The following KCNG2 variants were observed in gnomAD, a reference collection of about 807,000 sequenced individuals.
KCNG2 encodes the protein potassium voltage-gated channel modifier subfamily G member 2, also known as voltage-gated potassium channel regulatory subunit KCNG2.
A neutral mutation model predicts 12.3 loss-of-function variants in KCNG2; 7 were observed. The observed-to-expected ratio is 0.57, with a 90% CI of 0.32 to 1.07. The LOEUF (loss-of-function observed/expected upper bound fraction) is 1.07, where lower values mean the gene tolerates loss of function less well. Among genes scored for constraint, KCNG2 ranks in the 50% least tolerant of loss-of-function variants. KCNG2 has a pLI of 0.04. For synonymous variants in KCNG2, 414 were observed against 351.4 expected (o/e 1.18, Z -1.99); for missense variants, 703 against 726.0 (o/e 0.97, Z 0.36).
At chr18:79,826,874 T>G (rs1214927146) in intron 1 of KCNG2, among the ~76,000 whole-genome samples, 4 of 152,226 alleles carry the variant, frequency 2.6e-5, no homozygotes, top group African/African-American at 7.2e-5. Context: ...AAAGAAGGTG[T>G]GGGAGTGACT....
intron 1 of KCNG2, among the ~76,000 whole-genome samples, chr18:79,832,924 G>T (rs1978304207): frequency 6.6e-6 from 1 of 152,048 alleles, no homozygotes; most frequent in Admixed American, 6.6e-5. Context: ...AGTATAAACG[G>T]CTGGGACGTC....
intron 3 of KCNG2, among the ~76,000 whole-genome samples, chr18:79,865,834 GTATGCT>G (rs1979492624): frequency 8.0e-6 from 1 of 124,236 alleles, no homozygotes; most frequent in Non-Finnish European, 1.8e-5. Flanking sequence ...TGAGAGGTCT[GTATGCT>G]GAGAGGACTG....
rs577228474 is a variant in KCNG2 at position 79,849,084 on chromosome 18, G to A, written c.-114-7295G>A. On this transcript the variant is annotated intron_variant, in intron 1 of 3. Coordinates refer to ENST00000316249, the MANE Select transcript of KCNG2 (RefSeq NM_012283.2). ...GTTCTCCCTCCCACGCAGGCCACTC[G>A]GCCGCTCTGCACGCCAGGCCCCGCC... Among the ~76,000 whole-genome samples, 11 of 152,184 alleles carry A rather than the reference G, an allele frequency of 7.2e-5. No individual in the cohort carries two copies. In the East Asian group the frequency reaches 1.7e-3, roughly 24 times the overall value.
chr18:79,893,847 C>T (rs1599439509), intron 3 of KCNG2, among the ~76,000 whole-genome samples: 1 of 151,558 alleles, frequency 6.6e-6, no homozygotes. Context: ...CCATTAATAA[C>T]GATATAGTTG....
chr18:79,874,824 C>T (rs536186911), intron 3 of KCNG2, among the ~76,000 whole-genome samples: 2 of 152,332 alleles, frequency 1.3e-5, no homozygotes, highest in East Asian at 1.9e-4. Context: ...GCCACGGTCA[C>T]GTGTGCTCCT....
In KCNG2 at chr18:79,830,359, G is replaced by A. The variant is rs188875557; in HGVS notation, c.-114-26020G>A. ...TGACGAGCCCCACACCAGACAGCCC[G>A]GTGGCAGGAAACATGTCTGCAAGGG... On this transcript the variant is annotated intron_variant, in intron 1 of 3. Transcript: ENST00000316249. 3.0e-3 allele frequency among the ~76,000 whole-genome samples: 453 copies of A among 152,350 alleles called. 14 individuals are homozygous for A. The Middle Eastern group carries it at 0.031, about 10-fold the overall frequency.
chr18:79,801,485 G>T (rs537058109), intron 1 of KCNG2, among the ~76,000 whole-genome samples: 2 of 152,220 alleles, frequency 1.3e-5, no homozygotes, highest in Non-Finnish European at 1.5e-5. Context: ...ACCCAGGCCC[G>T]GCAAGGAGGG....
At chr18:79,824,786 C>T (rs924899425) in intron 1 of KCNG2, among the ~76,000 whole-genome samples, 4 of 152,184 alleles carry the variant, frequency 2.6e-5, no homozygotes, top group Admixed American at 2.0e-4. Flanking sequence ...TACCACTGAA[C>T]CTACTTTGCA....
chr18:79,813,487 T>C (rs1303255609), intron 1 of KCNG2, among the ~76,000 whole-genome samples: 1 of 152,166 alleles, frequency 6.6e-6, no homozygotes, highest in African/African-American at 2.4e-5. Context: ...CCACAAAAAA[T>C]CCACATCTGA....
rs193138848 is a variant in KCNG2 at position 79,863,531 on chromosome 18, G to T, written c.-40-97G>T. Reference sequence around the variant, plus strand: ...CGGAGGGGTCTCCGAGCTCACCTCCGAGGGTTCGGTGCCGGCCCGGCCCCT... The same window carrying T: ...CGGAGGGGTCTCCGAGCTCACCTCCTAGGGTTCGGTGCCGGCCCGGCCCCT... On this transcript the variant is annotated intron_variant, in intron 2 of 3. Transcript: ENST00000316249. 4,891 of 997,446 alleles carry T rather than the reference G, an allele frequency of 4.9e-3. 19 individuals carry two copies. The highest frequency in any genetic ancestry group is 5.0e-3 in the Non-Finnish European group (3,980 of 798,928). The allele number at this position is 997,446 out of a possible 1,614,324, so 61.8% of individuals were successfully genotyped here. A position where few individuals can be genotyped will look rare whatever the true frequency, so the allele number is the denominator to read the frequency against.
intron 1 of KCNG2, among the ~76,000 whole-genome samples, chr18:79,798,450 C>T (rs957374600): frequency 1.3e-5 from 2 of 152,168 alleles, no homozygotes; most frequent in Non-Finnish European, 2.9e-5. Context: ...TCCCGGCGCC[C>T]GCCCCGGTTC....
intron 1 of KCNG2, among the ~76,000 whole-genome samples, chr18:79,829,893 G>A (rs1425091586): frequency 6.6e-6 from 1 of 152,226 alleles, no homozygotes; most frequent in Non-Finnish European, 1.5e-5. Flanking sequence ...AGGCAGAGAG[G>A]AGATAAGAAA....
intron 2 of KCNG2, among the ~76,000 whole-genome samples, chr18:79,857,010 C>T (rs1165408410): frequency 2.0e-5 from 3 of 149,704 alleles, no homozygotes; most frequent in Admixed American, 6.6e-5. Context: ...GCCAGCCCTC[C>T]GTCCCAGAGG....
At chr18:79,872,826 T>C (rs1253126072) in intron 3 of KCNG2, among the ~76,000 whole-genome samples, 1 of 152,250 alleles carries the variant, frequency 6.6e-6, no homozygotes, top group African/African-American at 2.4e-5. Flanking sequence ...TGCCTTGCTT[T>C]GGACAGTGCT....
In KCNG2 at chr18:79,882,863, G is replaced by C. The variant is rs1980366654; in HGVS notation, c.625-16177G>C. On this transcript the variant is annotated intron_variant, in intron 3 of 3. Coordinates refer to ENST00000316249, the MANE Select transcript of KCNG2 (RefSeq NM_012283.2). Reference sequence around the variant, plus strand: ...CCTGCGCGTGGAGCGCGGAGGCCGGGTACACCTGCGCGTGGAGCGCGGAGG... The same window carrying C: ...CCTGCGCGTGGAGCGCGGAGGCCGGCTACACCTGCGCGTGGAGCGCGGAGG... 2.0e-5 allele frequency among the ~76,000 whole-genome samples: 3 copies of C among 151,338 alleles called. No homozygotes were observed. The South Asian group carries it at 6.2e-4, about 31-fold the overall frequency.
Position 79,899,226 on chromosome 18 carries a change from G to T in KCNG2, c.811G>T (p.Ala271Ser). 6.2e-7 allele frequency: 1 copy of T among 1,600,838 alleles called. No homozygotes were observed. Residue 271 changes from alanine (A) to serine (S), a missense_variant, in exon 4 of 4, where the codon GCG (alanine) becomes TCG (serine). Physicochemically the swap from Ala to Ser is moderately conservative, Grantham distance 99 (BLOSUM62 1). Coordinates refer to ENST00000316249, the MANE Select transcript of KCNG2 (RefSeq NM_012283.2). ...PFYVSLLLGLAAGPGGTKLLE... is the reference protein window; with the variant it reads ...PFYVSLLLGLSAGPGGTKLLE... ...CTACGTGTCGCTGCTGCTGGGGCTG[G>T]CGGCAGGCCCGGGCGGGACCAAGCT...
intron 3 of KCNG2, among the ~76,000 whole-genome samples, chr18:79,889,899 C>T (rs1980686936): frequency 6.6e-6 from 1 of 152,162 alleles, no homozygotes; most frequent in African/African-American, 2.4e-5. Context: ...GCGGAGGTTT[C>T]CTGCTTGTTG....
At chr18:79,804,365 G>T (rs1027223718) in intron 1 of KCNG2, among the ~76,000 whole-genome samples, 1 of 152,242 alleles carries the variant, frequency 6.6e-6, no homozygotes, top group African/African-American at 2.4e-5. Flanking sequence ...CTGCCGGCCG[G>T]TGCTGCACCA....
chr18:79,861,273 C>CTTTTTT (rs56348625), intron 2 of KCNG2, among the ~76,000 whole-genome samples: 5 of 76,994 alleles, frequency 6.5e-5, no homozygotes, highest in African/African-American at 1.4e-4. Flanking sequence ...CTCTCTCTCT[C>CTTTTTT]TTTTTTTTTT....
Sources: gnomAD v4.1 joint callset for allele counts (sites outside exome capture counted in the v4.1 genomes callset) on GRCh38, gnomAD v4.1.1 for gene constraint, MANE v1.5 for transcripts, NCBI Gene and HGNC (gene_info 2026-07-23, HGNC 2026-07-21) for gene names.